SIK2: variants seen among roughly 807,000 people sequenced by gnomAD.
SIK2 encodes the protein salt inducible kinase 2, also known as serine/threonine-protein kinase SIK2.
Under a neutral mutation model 103.2 loss-of-function variants are expected in SIK2, and 29 were observed. That is an observed-to-expected ratio of 0.28 (90% confidence interval 0.21 to 0.38). SIK2 has a LOEUF of 0.38. SIK2 is among the 10% of genes least tolerant of loss of function. The probability of loss-of-function intolerance (pLI) is 1.00; values close to 1 mark genes in which losing one functional copy is unlikely to be tolerated. For synonymous variants in SIK2, 412 were observed against 446.1 expected, an observed-to-expected ratio of 0.92 and a Z score of 0.96; for missense variants, 879 against 1,171.0, an observed-to-expected ratio of 0.75 and a Z score of 3.64.
intron 9 of SIK2, among the ~76,000 whole-genome samples, chr11:111,718,177 A>G (rs1333683878): frequency 6.6e-6 from 1 of 152,224 alleles, no homozygotes; most frequent in Non-Finnish European, 1.5e-5. Context: ...ATAGATAATT[A>G]ATTAATGATC....
In SIK2 at chr11:111,723,586, G is replaced by A. The variant is rs369337511; in HGVS notation, c.2238G>A (p.Gln746=). The A allele has an allele frequency of 8.1e-6, 13 of 1,614,052 alleles. No homozygotes were observed. The highest frequency in any genetic ancestry group is 2.7e-5 in the African/African-American group (2 of 74,908). The change falls in exon 15 of 15, where the codon CAG becomes CAA. Residue 746 remains glutamine (Q), a synonymous_variant. Coordinates refer to ENST00000304987, the MANE Select transcript of SIK2 (RefSeq NM_015191.3). ...AGATAGCAGAGAGCTCCTACCCACAGCCAAGTCAGCAGCTGCCCCTTCCCC... is the reference window on the plus strand; with the variant it reads ...AGATAGCAGAGAGCTCCTACCCACAACCAAGTCAGCAGCTGCCCCTTCCCC... ...QMQIAESSYP[Q]PSQQLPLPRQ...
intron 4 of SIK2, among the ~76,000 whole-genome samples, chr11:111,695,278 A>T (rs74506665): frequency 1.3e-5 from 2 of 152,148 alleles, no homozygotes; most frequent in Non-Finnish European, 2.9e-5. Context: ...CTGTAGGAGG[A>T]TTTTTTAAAT....
rs1943872668 is a variant in SIK2 at position 111,723,686 on chromosome 11, C to A, written c.2338C>A (p.Pro780Thr). The change falls in exon 15 of 15, where the codon CCT (proline) becomes ACT (threonine). Residue 780 changes from proline (P) to threonine (T), a missense_variant. Coordinates refer to ENST00000304987, the MANE Select transcript of SIK2 (RefSeq NM_015191.3). ...CCAGCCCCTGAGCCCCGTCCTGGAGCCTTCCTCCGAGCAGATGCAATACAG... is the reference window on the plus strand; with the variant it reads ...CCAGCCCCTGAGCCCCGTCCTGGAGACTTCCTCCGAGCAGATGCAATACAG... ...LTQPLSPVLE[P>T]SSEQMQYSPF... The A allele has an allele frequency of 6.2e-7, 1 of 1,614,050 alleles. No homozygotes were observed. Among genetic ancestry groups the A allele is most frequent in the Non-Finnish European group, 8.5e-7 (1 of 1,180,036 alleles).
chr11:111,608,137 T>G (rs770002103), intron 1 of SIK2, among the ~76,000 whole-genome samples: 1 of 152,176 alleles, frequency 6.6e-6, no homozygotes, highest in Non-Finnish European at 1.5e-5. Context: ...ATATAAAACT[T>G]TCTTTATTCA....
chr11:111,620,465 T>G (rs1330486287), intron 3 of SIK2, 63 bp downstream of exon 3: 4 of 1,027,166 alleles, frequency 3.9e-6, no homozygotes, highest in Non-Finnish European at 4.4e-6. Context: ...ATGAATGGGG[T>G]ATTTTCTGTT....
intron 3 of SIK2, among the ~76,000 whole-genome samples, chr11:111,648,743 C>T (rs1272215518): frequency 1.3e-5 from 2 of 151,970 alleles, no homozygotes; most frequent in Non-Finnish European, 2.9e-5. Flanking sequence ...TTATGGGGAA[C>T]TTTCATTTGT....
rs1944107220 is a variant in SIK2 at position 111,729,423 on chromosome 11, CACA to C, written c.*5299_*5301del. The C allele has an allele frequency of 6.6e-6, 1 of 152,276 alleles. No homozygotes were observed. The highest frequency in any genetic ancestry group is 6.5e-5 in the Admixed American group (1 of 15,292). The allele number at this position is 152,276 out of a possible 1,614,324, so 9.4% of individuals were successfully genotyped here. ...ACCAAGCACTTTCTCTTCTAACCCT[CACA>C]ACAATTCTATGAAATTAGCTGGGGA... On this transcript the variant is annotated 3_prime_UTR_variant, in exon 15 of 15. Transcript: ENST00000304987.
At chr11:111,672,515 A>G (rs374464778) in intron 3 of SIK2, 2 of 193,266 alleles carry the variant, frequency 1.0e-5, no homozygotes, top group African/African-American at 2.3e-5. Context: ...GGATAGTTCA[A>G]TAGCAATTAG....
In SIK2 at chr11:111,672,334, G is replaced by C; in HGVS notation, c.317-15667G>C. ...GCAGGCACCAGGCCTGCTCGTGGAG[G>C]AGCAGCTGCTGAAGGCCAAGGGGCC... is the stretch of plus-strand genomic sequence containing the variant. On this transcript the variant is annotated intron_variant, in intron 3 of 14. Transcript: ENST00000304987. The C allele has an allele frequency of 6.6e-6, 3 of 456,780 alleles. No individual in the cohort carries two copies. In the South Asian group the frequency reaches 1.1e-4, roughly 18 times the overall value. 28.3% of individuals were successfully genotyped at this position (456,780 alleles called of 1,614,324 possible). A position where few individuals can be genotyped will look rare whatever the true frequency, so the allele number is the denominator to read the frequency against.
Position 111,727,009 on chromosome 11 carries a change from G to C in SIK2, c.*2880G>C. ...AAATGCACTAGCTCTGCAATTCCCA[G>C]CTGGGCAAGTGTGTCTCTAGTATCT... On this transcript the variant is annotated 3_prime_UTR_variant, in exon 15 of 15. Coordinates refer to ENST00000304987, the MANE Select transcript of SIK2 (RefSeq NM_015191.3). The C allele has an allele frequency of 6.2e-7, 1 of 1,614,172 alleles. No homozygotes were observed. Among genetic ancestry groups the C allele is most frequent in the East Asian group, 2.2e-5 (1 of 44,886 alleles).
chr11:111,710,141 T>C (rs1943457894), intron 8 of SIK2, among the ~76,000 whole-genome samples: 1 of 152,380 alleles, frequency 6.6e-6, no homozygotes, highest in East Asian at 1.9e-4. Context: ...GTAGCAAATA[T>C]ACTTTAGTGG....
intron 8 of SIK2, among the ~76,000 whole-genome samples, chr11:111,710,782 T>A (rs1476488403): frequency 6.6e-6 from 1 of 152,172 alleles, no homozygotes; most frequent in African/African-American, 2.4e-5. Context: ...GTCACACAAT[T>A]TGTACGTGAT....
chr11:111,662,735 G>A (rs1942483672), intron 3 of SIK2, among the ~76,000 whole-genome samples: 1 of 149,472 alleles, frequency 6.7e-6, no homozygotes, highest in South Asian at 2.1e-4. Flanking sequence ...AATAGTAGCT[G>A]GGCATGGTGG....
chr11:111,723,802 A>ACAGCAG lies in SIK2; in HGVS notation c.2462_2467dup (p.Gln821_Gln822dup), dbSNP rs771606924. ...CTGCTCCTCCTCTGCCCACGCAGCT[A>ACAGCAG]CAGCAGCAGCAGCCGCCACCGCCAC... On this transcript the variant is annotated inframe_insertion, in exon 15 of 15. Coordinates refer to ENST00000304987, the MANE Select transcript of SIK2 (RefSeq NM_015191.3). 1.9e-6 allele frequency: 3 copies of ACAGCAG among 1,613,804 alleles called. No homozygotes were observed. Among genetic ancestry groups the ACAGCAG allele is most frequent in the East Asian group, 2.2e-5 (1 of 44,874 alleles).
At chr11:111,617,861 T>C (rs61896951) in intron 2 of SIK2, among the ~76,000 whole-genome samples, 84,829 of 148,032 alleles carry the variant, frequency 0.57, 27,913 homozygotes, top group East Asian at 0.96. Flanking sequence ...TATATATATA[T>C]ACACACACAC....
chr11:111,705,077 G>C lies in SIK2; in HGVS notation c.1039G>C (p.Glu347Gln). The C allele has an allele frequency of 6.2e-7, 1 of 1,607,496 alleles. No homozygotes were observed. Among genetic ancestry groups the C allele is most frequent in the Non-Finnish European group, 8.5e-7 (1 of 1,178,076 alleles). Residue 347 changes from glutamate (E) to glutamine (Q), a missense_variant, in exon 8 of 15, where the codon GAG (glutamate) becomes CAG (glutamine). Physicochemically the swap from Glu to Gln is conservative, Grantham distance 29. Transcript: ENST00000304987. This position sits in a 1 kb window ranked among gnomAD's most constrained non-coding sequence, Gnocchi z 4.3. Reference sequence around the variant, plus strand: ...ATCACATCGGAGCAGTTTCCCAGTGGAGCAGAGACTTGATGGCCGCCAGCG... The same window carrying C: ...ATCACATCGGAGCAGTTTCCCAGTGCAGCAGAGACTTGATGGCCGCCAGCG... ...LKSHRSSFPV[E>Q]QRLDGRQRRP...
chr11:111,721,935 C>T lies in SIK2; in HGVS notation c.2050C>T (p.Leu684Phe), dbSNP rs755602326. ...SLETQYLQHR[L>F]QKPSLLSKAQ... ...GGAGACCCAGTACCTGCAGCACAGA[C>T]TCCAGGTGGGTCCTTCTCCTTGCGA... The change falls in exon 13 of 15, where the codon CTC becomes TTC. Residue 684 changes from leucine to phenylalanine, a missense_variant. This residue lies in a region of SIK2 where 375 missense variants were observed against 416.3 expected (regional missense o/e 0.90). Transcript: ENST00000304987. 8.1e-6 allele frequency: 13 copies of T among 1,596,358 alleles called. No homozygotes were observed. Among genetic ancestry groups the T allele is most frequent in the South Asian group, 6.8e-5 (6 of 88,470 alleles).
intron 9 of SIK2, among the ~76,000 whole-genome samples, chr11:111,719,544 T>C (rs1394361937): frequency 6.6e-6 from 1 of 152,220 alleles, no homozygotes; most frequent in Admixed American, 6.5e-5. Flanking sequence ...CAGAGAAACC[T>C]GGGCAGCAGT....
chr11:111,631,476 G>C (rs1443963778), intron 3 of SIK2, among the ~76,000 whole-genome samples: 2 of 152,138 alleles, frequency 1.3e-5, no homozygotes, highest in African/African-American at 4.8e-5. Flanking sequence ...AAGATGAAAT[G>C]CATGTAAGAG....
Sources: gnomAD v4.1 joint callset for allele counts (sites outside exome capture counted in the v4.1 genomes callset) on GRCh38, gnomAD v4.1.1 for gene constraint, gnomAD v4.1.1 regional missense constraint, Gnocchi (gnomAD v3.1) non-coding constraint, MANE v1.5 for transcripts, NCBI Gene and HGNC (gene_info 2026-07-23, HGNC 2026-07-21) for gene names.